PCDH9: variants seen among roughly 807,000 people sequenced by gnomAD.
PCDH9 encodes protocadherin 9, also known as protocadherin-9.
A neutral mutation model predicts 70.6 loss-of-function variants in PCDH9; 24 were observed. The observed-to-expected ratio is 0.34, with a 90% CI of 0.25 to 0.48. The LOEUF is 0.48. Among genes scored for constraint, PCDH9 ranks in the 20% least tolerant of loss-of-function variants. PCDH9 has a pLI of 0.99. For synonymous variants in PCDH9, 562 were observed against 558.5 expected (o/e 1.01, Z -0.09); for missense variants, 1,281 against 1,503.6 (o/e 0.85, Z 2.45).
At chr13:67,160,437 T>C (rs1566464342) in intron 2 of PCDH9, among the ~76,000 whole-genome samples, 1 of 151,950 alleles carries the variant, frequency 6.6e-6, no homozygotes, top group South Asian at 2.1e-4. Flanking sequence ...GTCCCAGCTA[T>C]TCGGGAGACT....
intron 4 of PCDH9, among the ~76,000 whole-genome samples, chr13:66,324,778 A>G (rs1426072967): frequency 6.6e-6 from 1 of 152,042 alleles, no homozygotes; most frequent in Non-Finnish European, 1.5e-5. Flanking sequence ...ATCATCTATA[A>G]TCTGGAAATA....
At chr13:66,737,874 A>C (rs981964130) in intron 3 of PCDH9, among the ~76,000 whole-genome samples, 1 of 152,102 alleles carries the variant, frequency 6.6e-6, no homozygotes, top group African/African-American at 2.4e-5. Flanking sequence ...GATTGCTAGC[A>C]CAGCAGTCTG....
intron 3 of PCDH9, among the ~76,000 whole-genome samples, chr13:66,818,703 C>T (rs1459999743): frequency 6.6e-6 from 1 of 152,010 alleles, no homozygotes; most frequent in East Asian, 1.9e-4. Flanking sequence ...GAGGCCGAGG[C>T]GGGCGGATCA....
At chr13:66,341,120 A>G (rs1956116622) in intron 4 of PCDH9, among the ~76,000 whole-genome samples, 1 of 151,920 alleles carries the variant, frequency 6.6e-6, no homozygotes, top group Admixed American at 6.6e-5. Flanking sequence ...TTTATTTTTT[A>G]TTTTATTTAT....
At chr13:66,731,293 T>C (rs1313650639) in intron 3 of PCDH9, among the ~76,000 whole-genome samples, 1 of 152,092 alleles carries the variant, frequency 6.6e-6, no homozygotes, top group Non-Finnish European at 1.5e-5. Context: ...CTCATGGTTA[T>C]ATAAAGGATT....
At chr13:66,470,550 G>C (rs757955134) in intron 4 of PCDH9, among the ~76,000 whole-genome samples, 1 of 151,970 alleles carries the variant, frequency 6.6e-6, no homozygotes. Flanking sequence ...GTTTAACTGT[G>C]TAGAGAAGCT....
chr13:66,584,099 G>A (rs552148672), intron 4 of PCDH9, among the ~76,000 whole-genome samples: 12 of 152,250 alleles, frequency 7.9e-5, no homozygotes, highest in Admixed American at 7.8e-4. Context: ...ATGTTGTGTT[G>A]TGTTTGATTT....
In PCDH9 at chr13:66,919,951, G is replaced by A. The variant is rs1377501971; in HGVS notation, c.3037-16346C>T. Among the ~76,000 whole-genome samples the A allele has an allele frequency of 2.7e-5, 4 of 150,840 alleles. No homozygotes were observed. The South Asian group carries it at 8.3e-4, about 31-fold the overall frequency. ...TCATTTTTCAAAATAGAAGATTAGG[G>A]TAATGTTTTTTTTAACATCCTTACA... On this transcript the variant is annotated intron_variant, in intron 2 of 4. Transcript: ENST00000377865.
At chr13:66,412,027 A>G (rs188168556) in intron 4 of PCDH9, among the ~76,000 whole-genome samples, 6 of 152,346 alleles carry the variant, frequency 3.9e-5, no homozygotes, top group African/African-American at 1.2e-4. Flanking sequence ...AAGAACATAT[A>G]TCAACTAATT....
In PCDH9 at chr13:66,323,593, A is replaced by G. The variant is rs1955792056; in HGVS notation, c.3341-18565T>C. Reference sequence around the variant, plus strand: ...TCTTGTAATTTACATTATTTCTTTCAAAGTGTAGATTTTGTGGGCAGTGTA... The same window carrying G: ...TCTTGTAATTTACATTATTTCTTTCGAAGTGTAGATTTTGTGGGCAGTGTA... On this transcript the variant is annotated intron_variant, in intron 4 of 4. Transcript: ENST00000377865. The G allele has an allele frequency of 1.3e-5, 2 of 151,868 alleles. 1 individual carries two copies. Among genetic ancestry groups the G allele is most frequent in the South Asian group, 4.1e-4 (2 of 4,830 alleles). 9.4% of individuals were successfully genotyped at this position (151,868 alleles called of 1,614,324 possible). A position where few individuals can be genotyped will look rare whatever the true frequency, so the allele number is the denominator to read the frequency against.
chr13:66,421,601 C>G (rs1002853658), intron 4 of PCDH9, among the ~76,000 whole-genome samples: 2 of 152,156 alleles, frequency 1.3e-5, no homozygotes, highest in Non-Finnish European at 2.9e-5. Flanking sequence ...CTTTTACAGA[C>G]AAGCAAATGC....
intron 2 of PCDH9, among the ~76,000 whole-genome samples, chr13:66,918,698 G>C (rs1357886521): frequency 2.0e-5 from 3 of 150,912 alleles, no homozygotes; most frequent in African/African-American, 7.3e-5. Flanking sequence ...ATTATGATAA[G>C]GTTACTAAGT....
chr13:66,763,612 T>C (rs2079662530), intron 3 of PCDH9, among the ~76,000 whole-genome samples: 1 of 152,094 alleles, frequency 6.6e-6, no homozygotes, highest in Admixed American at 6.6e-5. Context: ...AGTAGTCATC[T>C]TTACAAAAAG....
At chr13:67,178,088 G>A (rs777646512) in intron 2 of PCDH9, among the ~76,000 whole-genome samples, 4 of 151,992 alleles carry the variant, frequency 2.6e-5, no homozygotes, top group Non-Finnish European at 4.4e-5. Context: ...TTGACTTTAA[G>A]TATCTCCCAA....
chr13:66,412,452 A>G (rs1416229942), intron 4 of PCDH9, among the ~76,000 whole-genome samples: 1 of 152,190 alleles, frequency 6.6e-6, no homozygotes, highest in Admixed American at 6.5e-5. Flanking sequence ...GCAAGGACAG[A>G]CGGATTTTTC....
chr13:66,998,858 A>C (rs953147364), intron 2 of PCDH9, among the ~76,000 whole-genome samples: 45 of 152,276 alleles, frequency 3.0e-4, no homozygotes, highest in African/African-American at 1.1e-3. Context: ...GCTGCCCATG[A>C]AGTCTCTACA....
At chr13:66,792,786 T>G (rs1442254931) in intron 3 of PCDH9, among the ~76,000 whole-genome samples, 1 of 152,156 alleles carries the variant, frequency 6.6e-6, no homozygotes, top group African/African-American at 2.4e-5. Context: ...TACATGTGAA[T>G]GCCTAATAAA....
At chr13:66,673,601 TC>T (rs1197702999) in intron 3 of PCDH9, among the ~76,000 whole-genome samples, 1 of 152,138 alleles carries the variant, frequency 6.6e-6, no homozygotes, top group African/African-American at 2.4e-5. Context: ...AGATTCTACT[TC>T]AAAGACCTCA....
chr13:66,928,489 T>TAATAGTGATTAC (rs1566299024), intron 2 of PCDH9, among the ~76,000 whole-genome samples: 2 of 152,126 alleles, frequency 1.3e-5, no homozygotes, highest in South Asian at 2.1e-4. Flanking sequence ...TACACATTGC[T>TAATAGTGATTAC]ATAGTCTGAA....
Sources: allele counts gnomAD v4.1 joint callset (sites outside exome capture counted in the v4.1 genomes callset), GRCh38; gene constraint gnomAD v4.1.1; transcripts MANE v1.5; gene names NCBI Gene and HGNC (gene_info 2026-07-23, HGNC 2026-07-21).